Variants in NALF1 observed in about 807,000 individuals in gnomAD.
NALF1 encodes the protein family with sequence similarity 155 member A.
NALF1 carries 3 observed loss-of-function variants against 48.4 expected under a neutral mutation model. The observed-to-expected ratio is 0.06, with a 90% confidence interval of 0.03 to 0.16. The LOEUF is 0.16. NALF1 is among the 10% of genes least tolerant of loss of function. The probability of loss-of-function intolerance (pLI) is 1.00; values close to 1 mark genes in which losing one functional copy is unlikely to be tolerated. For synonymous variants in NALF1, 262 were observed against 245.7 expected (o/e 1.07, Z -0.62); for missense variants, 526 against 571.5 (o/e 0.92, Z 0.81).
intron 1 of NALF1, among the ~76,000 whole-genome samples, chr13:107,492,042 G>GTT (rs71204833): frequency 3.0e-5 from 3 of 99,256 alleles, no homozygotes; most frequent in Non-Finnish European, 5.7e-5. Context: ...GTTTTTTTTT[G>GTT]TTTTTTTTTT....
chr13:107,355,945 G>A (rs1476446742), intron 1 of NALF1, among the ~76,000 whole-genome samples: 1 of 152,120 alleles, frequency 6.6e-6, no homozygotes, highest in Non-Finnish European at 1.5e-5. Context: ...TTTAATCATT[G>A]ATAAAGGTTC....
rs79281598 is a variant in NALF1, at chr13:107,581,002, T to C, written c.915+284680A>G. Reference sequence around the variant, plus strand: ...AAATGAGTTGGAGACCAGAGAAAAATAGTCAAAATACGGTAAACCCAGATA... The same window carrying C: ...AAATGAGTTGGAGACCAGAGAAAAACAGTCAAAATACGGTAAACCCAGATA... On this transcript the variant is annotated intron_variant, in intron 1 of 2. Coordinates refer to ENST00000375915, the MANE Select transcript of NALF1 (RefSeq NM_001080396.3). Among the ~76,000 whole-genome samples the C allele has an allele frequency of 4.2e-3, 638 of 152,086 alleles. 3 individuals carry two copies. Among genetic ancestry groups the C allele is most frequent in the Non-Finnish European group, 5.8e-3 (396 of 67,976 alleles).
chr13:107,436,641 T>C lies in NALF1; in HGVS notation c.916-225886A>G, dbSNP rs191443675. On this transcript the variant is annotated intron_variant, in intron 1 of 2. Transcript: ENST00000375915. ...GCATCATATAGTTAACAGGGAAATATTGAACATTTTCACCCTACAATTAAG... is the reference window on the plus strand; with the variant it reads ...GCATCATATAGTTAACAGGGAAATACTGAACATTTTCACCCTACAATTAAG... Among the ~76,000 whole-genome samples the C allele has an allele frequency of 4.6e-5, 7 of 152,240 alleles. No individual in the cohort carries two copies. In the East Asian group the frequency reaches 9.7e-4, roughly 21 times the overall value.
intron 1 of NALF1, among the ~76,000 whole-genome samples, chr13:107,849,860 A>G (rs1880265702): frequency 6.6e-6 from 1 of 152,200 alleles, no homozygotes; most frequent in Admixed American, 6.5e-5. Context: ...GTACTCTCAA[A>G]ATCTAACAGG....
intron 1 of NALF1, among the ~76,000 whole-genome samples, chr13:107,409,657 C>A (rs941568678): frequency 7.2e-5 from 11 of 152,144 alleles, no homozygotes; most frequent in Admixed American, 3.9e-4. Flanking sequence ...CATGTTGTCT[C>A]ATTTGACAAT....
rs1163167457 is a variant in NALF1 at position 107,169,433 on chromosome 13, T to C, written c.*1064A>G. ...GTCCGCAATCCCTTTGTTTGTTCCC[T>C]GTAATTACAATGGCCAAAATGTGCT... On this transcript the variant is annotated 3_prime_UTR_variant, in exon 3 of 3. Transcript: ENST00000375915. 1 of 151,510 alleles carries C rather than the reference T, an allele frequency of 6.6e-6. No individual in the cohort carries two copies. The highest frequency in any genetic ancestry group is 1.5e-5 in the Non-Finnish European group (1 of 67,930). The allele number at this position is 151,510 out of a possible 1,614,324, so 9.4% of individuals were successfully genotyped here.
At chr13:107,344,091 AAAATGG>A in intron 1 of NALF1, among the ~76,000 whole-genome samples, 1 of 152,290 alleles carries the variant, frequency 6.6e-6, no homozygotes, top group South Asian at 2.1e-4. Context: ...ATAGCCTAAA[AAAATGG>A]ATATGTTTCC....
intron 1 of NALF1, among the ~76,000 whole-genome samples, chr13:107,503,997 T>C (rs1875612653): frequency 6.6e-6 from 1 of 151,818 alleles, no homozygotes; most frequent in African/African-American, 2.4e-5. Context: ...CTCTTGCCTG[T>C]AATCCCAGCA....
At chr13:107,801,480 T>C (rs896156100) in intron 1 of NALF1, among the ~76,000 whole-genome samples, 7 of 152,192 alleles carry the variant, frequency 4.6e-5, no homozygotes, top group African/African-American at 1.4e-4. Flanking sequence ...GGTGTTCTTA[T>C]ATATGAGAAA....
chr13:107,668,330 C>A (rs534535736), intron 1 of NALF1, among the ~76,000 whole-genome samples: 1 of 152,170 alleles, frequency 6.6e-6, no homozygotes, highest in South Asian at 2.1e-4. Context: ...TCCTTTCTTT[C>A]CTTCCGTATC....
chr13:107,783,727 G>C (rs1476468767), intron 1 of NALF1, among the ~76,000 whole-genome samples: 1 of 151,710 alleles, frequency 6.6e-6, no homozygotes, highest in Non-Finnish European at 1.5e-5. Flanking sequence ...CAAACACTGC[G>C]GAAGGCCGCA....
chr13:107,831,116 T>C (rs1261290572), intron 1 of NALF1, among the ~76,000 whole-genome samples: 1 of 152,154 alleles, frequency 6.6e-6, no homozygotes, highest in Non-Finnish European at 1.5e-5. Context: ...GAAATCGCAA[T>C]GCTGACACTT....
intron 1 of NALF1, among the ~76,000 whole-genome samples, chr13:107,445,122 T>C (rs1233139854): frequency 1.3e-5 from 2 of 152,160 alleles, no homozygotes; most frequent in Non-Finnish European, 2.9e-5. Context: ...TGGGTGTATA[T>C]GCATGTGTGT....
chr13:107,511,742 A>G (rs1198551323), intron 1 of NALF1, among the ~76,000 whole-genome samples: 3 of 152,180 alleles, frequency 2.0e-5, no homozygotes, highest in African/African-American at 4.8e-5. Flanking sequence ...AAATAACTGC[A>G]TATCTACTCA....
At chr13:107,353,772 G>A (rs1882915300) in intron 1 of NALF1, among the ~76,000 whole-genome samples, 1 of 152,196 alleles carries the variant, frequency 6.6e-6, no homozygotes, top group Non-Finnish European at 1.5e-5. Context: ...AGTGTTGAGT[G>A]CTCATGTACA....
chr13:107,582,012 G>A (rs1421270757), intron 1 of NALF1, among the ~76,000 whole-genome samples: 1 of 152,088 alleles, frequency 6.6e-6, no homozygotes, highest in Non-Finnish European at 1.5e-5. Context: ...TTGCTTCTAG[G>A]AATTCTGTGT....
rs1159804573 is a variant in NALF1 at position 107,293,028 on chromosome 13, T to C, written c.916-82273A>G. On this transcript the variant is annotated intron_variant, in intron 1 of 2. Coordinates refer to ENST00000375915, the MANE Select transcript of NALF1 (RefSeq NM_001080396.3). The stretch of plus-strand genomic sequence containing the variant: ...TTTTTTTGAGCTCTGTCGCCCAGGC[T>C]GGAGTGCAGTGGCACGATCTCAGCT... Among the ~76,000 whole-genome samples the C allele has an allele frequency of 5.6e-5, 8 of 142,936 alleles. 1 individual carries two copies. The highest frequency in any genetic ancestry group is 1.2e-4 in the Non-Finnish European group (8 of 65,952). The allele number at this position is 142,936 out of a possible 152,430, so 93.8% of individuals were successfully genotyped here. A position where few individuals can be genotyped will look rare whatever the true frequency, so the allele number is the denominator to read the frequency against.
chr13:107,484,615 T>G (rs781323968), intron 1 of NALF1, among the ~76,000 whole-genome samples: 1 of 152,166 alleles, frequency 6.6e-6, no homozygotes, highest in Non-Finnish European at 1.5e-5. Flanking sequence ...AATGACCATA[T>G]GAATACATGT....
chr13:107,430,085 A>T (rs1034256758), intron 1 of NALF1, among the ~76,000 whole-genome samples: 2 of 152,222 alleles, frequency 1.3e-5, no homozygotes, highest in Non-Finnish European at 2.9e-5. Context: ...TGCAGAATAT[A>T]TTCCCAGCAG....
Sources: gnomAD v4.1 joint callset for allele counts (sites outside exome capture counted in the v4.1 genomes callset) on GRCh38, gnomAD v4.1.1 for gene constraint, MANE v1.5 for transcripts, NCBI Gene and HGNC (gene_info 2026-07-23, HGNC 2026-07-21) for gene names.